PDE3B: variants seen among roughly 807,000 people sequenced by gnomAD.
The protein encoded by PDE3B is phosphodiesterase 3B.
A neutral mutation model predicts 116.8 loss-of-function variants in PDE3B; 66 were observed. The ratio of observed to expected loss-of-function variants is 0.56; its 90% CI spans 0.46 to 0.69. PDE3B has a LOEUF of 0.69. Among genes scored for constraint, PDE3B ranks in the 30% least tolerant of loss-of-function variants. The probability of loss-of-function intolerance (pLI) is 0.00; values close to 1 mark genes in which losing one functional copy is unlikely to be tolerated. For synonymous variants in PDE3B, 595 were observed against 533.6 expected, an observed-to-expected ratio of 1.12 and a Z score of -1.59; for missense variants, 1,384 against 1,368.1, an observed-to-expected ratio of 1.01 and a Z score of -0.18.
At chr11:14,751,794 G>T (rs1013785086) in intron 1 of PDE3B, among the ~76,000 whole-genome samples, 10 of 152,162 alleles carry the variant, frequency 6.6e-5, no homozygotes, top group African/African-American at 1.4e-4. Context: ...GATAGGCAAC[G>T]AGATTTATCT....
In PDE3B at chr11:14,644,987, A is replaced by G. The variant is rs771052100; in HGVS notation, c.912A>G (p.Ala304=). The change falls in exon 1 of 16, where the codon GCA becomes GCG. Residue 304 remains alanine (A), a synonymous_variant. Transcript: ENST00000282096. ...GCTGCGTGTCGTTAGGAGAAACTGC[A>G]GCCAGTTACTATGGCAGTTGCAAAA... ...RSSCVSLGET[A]ASYYGSCKIF... 7.4e-6 allele frequency: 12 copies of G among 1,613,714 alleles called. No individual in the cohort carries two copies. In the East Asian group the frequency reaches 8.9e-5, roughly 12 times the overall value.
At chr11:14,645,661 T>C (rs981949576) in intron 1 of PDE3B, among the ~76,000 whole-genome samples, 11 of 152,254 alleles carry the variant, frequency 7.2e-5, no homozygotes, top group Admixed American at 7.2e-4. Context: ...ATGTTCTTTG[T>C]ATTTGTTGCA....
Position 14,859,201 on chromosome 11 carries a change from G to A in PDE3B, c.2679G>A (p.Thr893=), listed in dbSNP as rs373308149. The change falls in exon 13 of 16, where the codon ACG becomes ACA. Residue 893 remains threonine (T), a synonymous_variant. Transcript: ENST00000282096. ...TAGTCATTGAAGCAATCCTTGCTAC[G>A]GATCTTAAAAAGCATTTTGATTTTC... ...RFLVIEAILA[T]DLKKHFDFLA... The A allele has an allele frequency of 3.6e-5, 58 of 1,612,514 alleles. No homozygotes were observed. The highest frequency in any genetic ancestry group is 1.7e-4 in the Middle Eastern group (1 of 6,056).
chr11:14,738,857 A>T (rs1158973335), intron 1 of PDE3B, among the ~76,000 whole-genome samples: 2 of 152,044 alleles, frequency 1.3e-5, no homozygotes, highest in African/African-American at 2.4e-5. Flanking sequence ...ATTAAACAGG[A>T]TATCCTTTCC....
Position 14,644,914 on chromosome 11 carries a change from G to T in PDE3B, c.839G>T (p.Ser280Ile). Reference sequence around the variant, plus strand: ...GCGCCTCTTCATCCTCGACTGTCCAGTGCCGCCGAAGAAAAAGTGCCTGTG... The same window carrying T: ...GCGCCTCTTCATCCTCGACTGTCCATTGCCGCCGAAGAAAAAGTGCCTGTG... Reference protein sequence around the residue: ...REAPLHPRLSSAAEEKVPVIR... With the variant: ...REAPLHPRLSIAAEEKVPVIR... The change falls in exon 1 of 16, where the codon AGT (serine) becomes ATT (isoleucine). Residue 280 changes from serine (S) to isoleucine (I), a missense_variant. Ser to Ile is a moderately radical substitution (Grantham distance 142, BLOSUM62 -2). This residue lies in a region of PDE3B where 956 missense variants were observed against 806.8 expected (regional missense o/e 1.18). Transcript: ENST00000282096. 6.2e-7 allele frequency: 1 copy of T among 1,614,182 alleles called. No individual in the cohort carries two copies. Among genetic ancestry groups the T allele is most frequent in the Non-Finnish European group, 8.5e-7 (1 of 1,180,040 alleles).
rs1364750088 is a variant in PDE3B, at chr11:14,786,479, G to A, written c.1072G>A (p.Glu358Lys). Residue 358 changes from glutamate (E) to lysine (K), a missense_variant, in exon 3 of 16, where the codon GAG becomes AAG. Coordinates refer to ENST00000282096, the MANE Select transcript of PDE3B (RefSeq NM_000922.4). ...TGGAGTTGATCTTTCAGTGCTAAAT[G>A]AGGCTCGCAATATGGTGTCAGATCT... ...GNGVDLSVLN[E>K]ARNMVSDLLT... 1 of 1,612,192 alleles carries A rather than the reference G, an allele frequency of 6.2e-7. No homozygotes were observed. Among genetic ancestry groups the A allele is most frequent in the East Asian group, 2.2e-5 (1 of 44,842 alleles).
chr11:14,879,047 G>A, the PDE3B span: 2 of 1,263,270 alleles, frequency 1.6e-6, no homozygotes, highest in South Asian at 2.4e-5. Flanking sequence ...TTCAGATTAA[G>A]ATGCTGTATC....
At chr11:14,661,555 A>G (rs1565077969) in intron 1 of PDE3B, among the ~76,000 whole-genome samples, 1 of 152,194 alleles carries the variant, frequency 6.6e-6, no homozygotes, top group Non-Finnish European at 1.5e-5. Context: ...TTTCCTAGTC[A>G]AAGAAAGGGG....
chr11:14,832,798 T>G lies in PDE3B; in HGVS notation c.2171T>G (p.Phe724Cys), dbSNP rs551949989. The change falls in exon 10 of 16, where the codon TTT (phenylalanine) becomes TGT (cysteine). Residue 724 changes from phenylalanine (F) to cysteine (C), a missense_variant. Phe to Cys is a radical substitution (Grantham distance 205). Coordinates refer to ENST00000282096, the MANE Select transcript of PDE3B (RefSeq NM_000922.4). The part of the protein sequence containing the change: ...KIPTQQFMNY[F>C]RALENGYRDI... ...CCCACTCAACAATTTATGAACTATT[T>G]TCGTGCATTAGAAAATGGCTATCGA... 72 of 1,532,794 alleles carry G rather than the reference T, an allele frequency of 4.7e-5. No individual in the cohort carries two copies. The South Asian group carries it at 8.2e-4, about 17-fold the overall frequency. 94.9% of individuals were successfully genotyped at this position (1,532,794 alleles called of 1,614,324 possible). A position where few individuals can be genotyped will look rare whatever the true frequency, so the allele number is the denominator to read the frequency against.
chr11:14,687,072 C>T (rs565020624), intron 1 of PDE3B, among the ~76,000 whole-genome samples: 24 of 152,056 alleles, frequency 1.6e-4, no homozygotes, highest in African/African-American at 5.5e-4. Flanking sequence ...TATATTTATT[C>T]GTTTTGGTAA....
intron 1 of PDE3B, among the ~76,000 whole-genome samples, chr11:14,768,030 A>G (rs1187990685): frequency 6.6e-6 from 1 of 151,232 alleles, no homozygotes; most frequent in African/African-American, 2.4e-5. Flanking sequence ...GTTCAGGATC[A>G]TTCCTATCAA....
chr11:14,736,308 TA>T (rs1313391432), intron 1 of PDE3B, among the ~76,000 whole-genome samples: 1 of 152,180 alleles, frequency 6.6e-6, no homozygotes, highest in East Asian at 1.9e-4. Flanking sequence ...ACAAGGGAGT[TA>T]AAAGCTGGTT....
At chr11:14,660,501 G>C (rs1853866828) in intron 1 of PDE3B, among the ~76,000 whole-genome samples, 1 of 151,498 alleles carries the variant, frequency 6.6e-6, no homozygotes, top group South Asian at 2.1e-4. Context: ...ATGAGGTTTT[G>C]CTGTGTTGCC....
At chr11:14,664,256 C>T (rs1854044804) in intron 1 of PDE3B, among the ~76,000 whole-genome samples, 1 of 152,110 alleles carries the variant, frequency 6.6e-6, no homozygotes, top group East Asian at 1.9e-4. Context: ...CTCTGGGACA[C>T]ATTCAAAGCA....
the PDE3B span, among the ~76,000 whole-genome samples, chr11:14,893,987 C>T: frequency 3.3e-5 from 5 of 152,148 alleles, no homozygotes; most frequent in Admixed American, 3.3e-4. Context: ...CTAAGCAAAC[C>T]TTGTCCTCTG....
intron 12 of PDE3B, among the ~76,000 whole-genome samples, chr11:14,857,784 C>A (rs1412426828): frequency 3.3e-5 from 5 of 152,168 alleles, no homozygotes; most frequent in Non-Finnish European, 7.4e-5. Flanking sequence ...ACAGGGCATT[C>A]ATTGTACATT....
chr11:14,715,706 G>A (rs1855857953), intron 1 of PDE3B, among the ~76,000 whole-genome samples: 1 of 152,198 alleles, frequency 6.6e-6, no homozygotes, highest in Non-Finnish European at 1.5e-5. Flanking sequence ...TCTGCAAACA[G>A]AGACTATTTG....
At chr11:14,760,122 G>T (rs1271605426) in intron 1 of PDE3B, among the ~76,000 whole-genome samples, 3 of 152,138 alleles carry the variant, frequency 2.0e-5, no homozygotes, top group Non-Finnish European at 2.9e-5. Flanking sequence ...CTCTGCTACT[G>T]CCTTGCCCTG....
intron 2 of PDE3B, chr11:14,772,926 T>G (rs1458672197): frequency 6.6e-6 from 1 of 151,966 alleles, no homozygotes; most frequent in Non-Finnish European, 1.5e-5. Flanking sequence ...AAGACAGATT[T>G]ATTTATTTAT....
Sources: allele counts gnomAD v4.1 joint callset (sites outside exome capture counted in the v4.1 genomes callset), GRCh38; gene constraint gnomAD v4.1.1; regional missense constraint gnomAD v4.1.1; transcripts MANE v1.5; gene names NCBI Gene and HGNC (gene_info 2026-07-23, HGNC 2026-07-21).